Variants in GARIN2 observed in about 807,000 individuals in gnomAD.
GARIN2 encodes the protein Golgi-associated RAB2 interactor protein 2.
chr14:67,214,508 C>A, the GARIN2 span, among the ~76,000 whole-genome samples: 2 of 152,166 alleles, frequency 1.3e-5, no homozygotes, highest in African/African-American at 4.8e-5. Context: ...GGGCTCTGTT[C>A]TGTTCCATTG....
At chr14:67,208,076 T>G in the GARIN2 span, 1 of 1,383,168 alleles carries the variant, frequency 7.2e-7, no homozygotes, top group Admixed American at 2.5e-5. Flanking sequence ...ACTCCCTCCT[T>G]ACTACTCCTC....
the GARIN2 span, chr14:67,204,400 C>A: frequency 8.0e-6 from 10 of 1,250,354 alleles, no homozygotes; most frequent in African/African-American, 1.4e-4. Context: ...GATCGCATCA[C>A]CACTGCACTC....
chr14:67,197,789 C>T, the GARIN2 span, among the ~76,000 whole-genome samples: 2 of 152,080 alleles, frequency 1.3e-5, no homozygotes, highest in Non-Finnish European at 2.9e-5. Flanking sequence ...TGAGAGACCT[C>T]CTAGAGAAGC....
At chr14:67,224,190 C>A in the GARIN2 span, among the ~76,000 whole-genome samples, 1 of 151,644 alleles carries the variant, frequency 6.6e-6, no homozygotes, top group South Asian at 2.1e-4. Flanking sequence ...GTTTTTATGA[C>A]AACTTTATGC....
At chr14:67,213,040 C>A in the GARIN2 span, among the ~76,000 whole-genome samples, 1 of 150,664 alleles carries the variant, frequency 6.6e-6, no homozygotes, top group Admixed American at 6.6e-5. Flanking sequence ...ATGCTTAGGC[C>A]TCACCCCATC....
the GARIN2 span, among the ~76,000 whole-genome samples, chr14:67,220,908 C>G: frequency 3.3e-5 from 5 of 152,114 alleles, no homozygotes; most frequent in Non-Finnish European, 7.4e-5. Flanking sequence ...TAAAATGGAC[C>G]ACAATTATGT....
the GARIN2 span, among the ~76,000 whole-genome samples, chr14:67,211,924 T>A: frequency 6.6e-6 from 1 of 152,198 alleles, no homozygotes; most frequent in African/African-American, 2.4e-5. Flanking sequence ...CATTGTGAAG[T>A]CTGTCCCTGC....
chr14:67,215,471 T>C, the GARIN2 span, among the ~76,000 whole-genome samples: 6 of 151,678 alleles, frequency 4.0e-5, no homozygotes, highest in Admixed American at 6.6e-5. Flanking sequence ...GAAGGGCAAC[T>C]TGTAAGTCTG....
chr14:67,219,808 G>T, the GARIN2 span, among the ~76,000 whole-genome samples: 1 of 152,042 alleles, frequency 6.6e-6, no homozygotes, highest in Non-Finnish European at 1.5e-5. Context: ...TGACTCTACT[G>T]GAGAGAAATA....
the GARIN2 span, among the ~76,000 whole-genome samples, chr14:67,192,107 G>A: frequency 1.2e-4 from 19 of 152,314 alleles, no homozygotes; most frequent in African/African-American, 2.4e-4. Flanking sequence ...GCTCTGCAGC[G>A]CAGCAAAAGC....
At chr14:67,207,979 G>C in the GARIN2 span, among the ~76,000 whole-genome samples, 50 of 152,204 alleles carry the variant, frequency 3.3e-4, no homozygotes, top group African/African-American at 1.2e-3. Context: ...ACATGTGTCA[G>C]GCTGCAGTGG....
chr14:67,221,945 C>T, the GARIN2 span: 9 of 1,088,132 alleles, frequency 8.3e-6, no homozygotes, highest in Non-Finnish European at 1.2e-5. Flanking sequence ...CTTCACTATG[C>T]TCCATTCTGA....
At chr14:67,193,358 A>C in the GARIN2 span, among the ~76,000 whole-genome samples, 1 of 133,878 alleles carries the variant, frequency 7.5e-6, no homozygotes, top group Non-Finnish European at 1.7e-5. Flanking sequence ...ATATAGAGAT[A>C]TATAATCTAT....
the GARIN2 span, chr14:67,224,890 C>T: frequency 2.1e-5 from 8 of 385,474 alleles, no homozygotes; most frequent in Admixed American, 4.6e-5. Flanking sequence ...AAGGAGGGAG[C>T]CCTCTAAAAG....
At chr14:67,202,802 T>C in the GARIN2 span, among the ~76,000 whole-genome samples, 1 of 152,218 alleles carries the variant, frequency 6.6e-6, no homozygotes, top group Non-Finnish European at 1.5e-5. Flanking sequence ...AGTCCTCTGT[T>C]ATGTGCTCCT....
At chr14:67,225,958 T>TGCGCGCGC in the GARIN2 span, among the ~76,000 whole-genome samples, 1 of 130,110 alleles carries the variant, frequency 7.7e-6, no homozygotes, top group African/African-American at 3.4e-5. Flanking sequence ...TGTGTGTGTG[T>TGCGCGCGC]GTGTGCGCGC....
At chr14:67,209,873 T>C in the GARIN2 span, among the ~76,000 whole-genome samples, 18 of 150,396 alleles carry the variant, frequency 1.2e-4, no homozygotes, top group South Asian at 3.8e-3. Flanking sequence ...CCTTTATATA[T>C]AAGTAGTTGG....
At chr14:67,202,255 A>C in the GARIN2 span, among the ~76,000 whole-genome samples, 5 of 152,212 alleles carry the variant, frequency 3.3e-5, no homozygotes, top group Admixed American at 1.3e-4. Flanking sequence ...AGCCCCACCA[A>C]CATGGTGAAG....
chr14:67,209,312 G>A, the GARIN2 span, among the ~76,000 whole-genome samples: 1 of 152,128 alleles, frequency 6.6e-6, no homozygotes, highest in African/African-American at 2.4e-5. Flanking sequence ...TAAAAAGAGA[G>A]AGAGAGAATA....
Sources: gnomAD v4.1 joint callset for allele counts (sites outside exome capture counted in the v4.1 genomes callset) on GRCh38, gnomAD v4.1.1 for gene constraint, MANE v1.5 for transcripts, NCBI Gene and HGNC (gene_info 2026-07-23, HGNC 2026-07-21) for gene names.